INTS9: variants seen among roughly 807,000 people sequenced by gnomAD.
INTS9 encodes protein related to CPSF subunits of 74 kDa.
In INTS9, 55 loss-of-function variants were observed where a neutral mutation model predicts 79.7. The observed-to-expected ratio is 0.69, with a 90% CI of 0.56 to 0.86. The LOEUF is 0.86. INTS9 is among the 40% of genes least tolerant of loss of function. The pLI is 0.00. For missense variants in INTS9, 721 were observed against 831.5 expected (o/e 0.87, Z 1.64); for synonymous variants, 319 against 325.2 (o/e 0.98, Z 0.20).
intron 8 of INTS9, among the ~76,000 whole-genome samples, chr8:28,808,257 G>T (rs1254958438): frequency 6.7e-6 from 1 of 148,756 alleles, no homozygotes; most frequent in Non-Finnish European, 1.5e-5. Context: ...GTAATAGTGC[G>T]ATCTCGGCTC....
chr8:28,810,679 C>G (rs1805063364), intron 8 of INTS9, among the ~76,000 whole-genome samples: 1 of 152,052 alleles, frequency 6.6e-6, no homozygotes, highest in Admixed American at 6.5e-5. Context: ...CCTAATGTAT[C>G]TATATACCCA....
intron 5 of INTS9, 62 bp downstream of exon 5, chr8:28,837,575 G>A (rs1404318483): frequency 2.6e-5 from 40 of 1,561,404 alleles, no homozygotes; most frequent in Middle Eastern, 2.3e-4. Context: ...CTGTGATAGC[G>A]TCATCACTGA....
chr8:28,861,849 C>T (rs1039652513), intron 1 of INTS9, among the ~76,000 whole-genome samples: 4 of 152,376 alleles, frequency 2.6e-5, no homozygotes, highest in Non-Finnish European at 5.9e-5. Flanking sequence ...CGGCTACCAC[C>T]GAATGGAACA....
At chr8:28,861,034 C>T (rs1808434084) in intron 1 of INTS9, among the ~76,000 whole-genome samples, 1 of 152,220 alleles carries the variant, frequency 6.6e-6, no homozygotes, top group African/African-American at 2.4e-5. Context: ...GCTGCTTCTT[C>T]ATTCCAAGTT....
chr8:28,878,978 CA>C (rs34599728), intron 1 of INTS9, among the ~76,000 whole-genome samples: 121,440 of 143,436 alleles, frequency 0.85, 51,200 homozygotes, highest in East Asian at 0.95. Context: ...GACTTCGTCT[CA>C]AAAAAAAAAA....
chr8:28,837,794 G>C lies in INTS9; in HGVS notation c.262-18C>G, dbSNP rs1353685149. ...AGCTCCGTCTGAAAAGAAAGGGAGGGAATGATATATATCTGTTCAGGGATC... is the reference window on the plus strand; with the variant it reads ...AGCTCCGTCTGAAAAGAAAGGGAGGCAATGATATATATCTGTTCAGGGATC... On this transcript the variant is annotated intron_variant, in intron 4 of 16. Transcript: ENST00000521022. The C allele has an allele frequency of 1.9e-6, 3 of 1,609,810 alleles. No homozygotes were observed. The Admixed American group carries it at 5.0e-5, about 27-fold the overall frequency.
chr8:28,777,807 C>T, intron 13 of INTS9, 22 bp downstream of exon 13: 2 of 1,586,270 alleles, frequency 1.3e-6, no homozygotes, highest in Non-Finnish European at 1.7e-6. Context: ...TACGTGAAGG[C>T]ACAAGCAGTG....
rs574326815 is a variant in INTS9 at position 28,859,066 on chromosome 8, A to G, written c.137+370T>C. ...CTGTCAAAAAGAAATGTCAGACTCT[A>G]TGCTGTTAAGTCTCTGCAAAGGCTG... On this transcript the variant is annotated intron_variant, in intron 2 of 16. Coordinates refer to ENST00000521022, the MANE Select transcript of INTS9 (RefSeq NM_018250.4). 2.6e-5 allele frequency among the ~76,000 whole-genome samples: 4 copies of G among 152,340 alleles called. No individual in the cohort carries two copies. In the South Asian group the frequency reaches 8.3e-4, roughly 32 times the overall value.
In INTS9 at chr8:28,850,260, T is replaced by C; in HGVS notation, c.151A>G (p.Asn51Asp). 2 of 1,613,652 alleles carry C rather than the reference T, an allele frequency of 1.2e-6. No individual in the cohort carries two copies. Among genetic ancestry groups the C allele is most frequent in the South Asian group, 1.1e-5 (1 of 91,072 alleles). ...LPLVQSPRLS[N>D]LPGWSLKDGN... ...TCCTTCAGGGACCAGCCAGGAAGAT[T>C]GGACAGCCTGGGACTGCAAAACAAA... The change falls in exon 3 of 17, where the codon AAT becomes GAT. Residue 51 changes from asparagine to aspartate, a missense_variant. Around this residue, in one of 3 missense-constraint regions of INTS9, gnomAD observed 291 missense variants for 307.0 expected, o/e 0.95. Coordinates refer to ENST00000521022, the MANE Select transcript of INTS9 (RefSeq NM_018250.4).
intron 8 of INTS9, among the ~76,000 whole-genome samples, chr8:28,810,573 C>T (rs1805053654): frequency 6.6e-6 from 1 of 152,096 alleles, no homozygotes; most frequent in African/African-American, 2.4e-5. Flanking sequence ...CACCACTGTA[C>T]TCCAGTCCGG....
At chr8:28,852,147 A>G (rs930902252) in intron 2 of INTS9, among the ~76,000 whole-genome samples, 1 of 152,160 alleles carries the variant, frequency 6.6e-6, no homozygotes, top group Non-Finnish European at 1.5e-5. Context: ...TGAGCCCAGG[A>G]GGTCAAGGCT....
chr8:28,878,529 C>A (rs1392443502), intron 1 of INTS9, among the ~76,000 whole-genome samples: 1 of 151,232 alleles, frequency 6.6e-6, no homozygotes, highest in Non-Finnish European at 1.5e-5. Flanking sequence ...ACTGTGTTGC[C>A]CAGGCTGGAC....
chr8:28,786,786 G>C (rs189648694), intron 11 of INTS9, among the ~76,000 whole-genome samples: 30 of 152,092 alleles, frequency 2.0e-4, no homozygotes, highest in East Asian at 5.8e-4. Context: ...GGCGCGATCT[G>C]GGCTCACTGC....
chr8:28,853,735 A>G (rs1201604644), intron 2 of INTS9, among the ~76,000 whole-genome samples: 1 of 152,148 alleles, frequency 6.6e-6, no homozygotes, highest in Non-Finnish European at 1.5e-5. Flanking sequence ...GCCTAGGAAA[A>G]TACTGAAGAG....
intron 6 of INTS9, among the ~76,000 whole-genome samples, chr8:28,830,422 TC>T (rs1262232459): frequency 6.6e-6 from 1 of 151,976 alleles, no homozygotes. Flanking sequence ...TCACTTGAGG[TC>T]AGGAGTTTGA....
intron 13 of INTS9, among the ~76,000 whole-genome samples, chr8:28,777,494 G>A (rs756072662): frequency 1.3e-5 from 2 of 151,544 alleles, no homozygotes; most frequent in South Asian, 2.1e-4. Context: ...CCAGTAACGC[G>A]TTTCATTTAA....
intron 6 of INTS9, among the ~76,000 whole-genome samples, chr8:28,815,126 G>C (rs897050126): frequency 5.3e-5 from 8 of 152,226 alleles, no homozygotes; most frequent in Non-Finnish European, 8.8e-5. Flanking sequence ...AAAACTTTAA[G>C]AACAGCTTGT....
chr8:28,861,943 C>T, intron 1 of INTS9: 1 of 294,372 alleles, frequency 3.4e-6, no homozygotes, highest in Non-Finnish European at 5.0e-6. Context: ...GAGCTCTACC[C>T]AGTTTCAGAA....
chr8:28,838,720 C>T (rs1806975028), intron 4 of INTS9, among the ~76,000 whole-genome samples: 2 of 151,972 alleles, frequency 1.3e-5, no homozygotes, highest in African/African-American at 4.8e-5. Flanking sequence ...GGGTTTTCAC[C>T]ATGTTGGCCA....
Sources: gnomAD v4.1 joint callset for allele counts (sites outside exome capture counted in the v4.1 genomes callset) on GRCh38, gnomAD v4.1.1 for gene constraint, gnomAD v4.1.1 regional missense constraint, MANE v1.5 for transcripts, NCBI Gene and HGNC (gene_info 2026-07-23, HGNC 2026-07-21) for gene names.